Variants in RANBP17 observed in about 807,000 individuals in gnomAD.
RANBP17 encodes the protein RAN binding protein 17.
RANBP17 carries 158 observed loss-of-function variants against 141.2 expected under a neutral mutation model. The observed-to-expected ratio is 1.12, with a 90% CI of 0.98 to 1.28. The LOEUF (loss-of-function observed/expected upper bound fraction) is 1.28, where lower values mean the gene tolerates loss of function less well. Among genes scored for constraint, RANBP17 ranks in the 50% most tolerant of loss-of-function variants. RANBP17 has a pLI of 0.00. For missense variants in RANBP17, 1,438 were observed against 1,290.7 expected (o/e 1.11, Z -1.75); for synonymous variants, 430 against 450.0 (o/e 0.96, Z 0.56).
chr5:171,294,737 T>G (rs1233384622), intron 26 of RANBP17, among the ~76,000 whole-genome samples: 1 of 152,212 alleles, frequency 6.6e-6, no homozygotes, highest in Non-Finnish European at 1.5e-5. Flanking sequence ...AGCACTGTCA[T>G]TCATCTTCCC....
chr5:170,995,591 C>T (rs1015838738), intron 14 of RANBP17, among the ~76,000 whole-genome samples: 17 of 151,928 alleles, frequency 1.1e-4, no homozygotes, highest in African/African-American at 2.9e-4. Context: ...TTGATAGAGT[C>T]GATGGTTGAT....
rs553016059 is a variant in RANBP17 at position 171,060,533 on chromosome 5, A to G, written c.1710+92156A>G. 3.3e-5 allele frequency among the ~76,000 whole-genome samples: 5 copies of G among 152,240 alleles called. No individual in the cohort carries two copies. The South Asian group carries it at 8.3e-4, about 25-fold the overall frequency. ...GAAGCCCACTTGATCATGGTGGATA[A>G]GCTTTTTGATGTGGTGCTGGATTCG... On this transcript the variant is annotated intron_variant, in intron 14 of 27. Transcript: ENST00000523189.
intron 12 of RANBP17, among the ~76,000 whole-genome samples, chr5:170,948,565 T>C (rs190514770): frequency 6.6e-6 from 1 of 152,260 alleles, no homozygotes; most frequent in Admixed American, 6.5e-5. Context: ...ATTAAAGATA[T>C]AAATAAACAG....
At chr5:170,864,499 C>T (rs1304571116) in intron 1 of RANBP17, among the ~76,000 whole-genome samples, 1 of 152,170 alleles carries the variant, frequency 6.6e-6, no homozygotes, top group Non-Finnish European at 1.5e-5. Context: ...TCATTCAAAG[C>T]AGTTGCATTC....
At chr5:171,248,516 C>T (rs1262550128) in intron 24 of RANBP17, among the ~76,000 whole-genome samples, 4 of 152,174 alleles carry the variant, frequency 2.6e-5, no homozygotes, top group Non-Finnish European at 5.9e-5. Flanking sequence ...AGGCAGTCCA[C>T]GTGCCTGCCA....
chr5:171,147,121 A>G lies in RANBP17; in HGVS notation c.1711-23009A>G, dbSNP rs560675989. Among the ~76,000 whole-genome samples, 153 of 152,190 alleles carry G rather than the reference A, an allele frequency of 1.0e-3. 1 individual carries two copies. Among genetic ancestry groups the G allele is most frequent in the African/African-American group, 3.5e-3 (146 of 41,528 alleles). ...AGAGGGGTGCCACTGTCATCTAGTG[A>G]TAGAATCCAGGTGCATTTTGCAGTG... On this transcript the variant is annotated intron_variant, in intron 14 of 27. Coordinates refer to ENST00000523189, the MANE Select transcript of RANBP17 (RefSeq NM_022897.5).
At chr5:171,287,295 A>AGC (rs1768224481) in intron 25 of RANBP17, among the ~76,000 whole-genome samples, 1 of 152,214 alleles carries the variant, frequency 6.6e-6, no homozygotes, top group Admixed American at 6.5e-5. Context: ...GTTCAAGACC[A>AGC]GCCTGGCCAA....
chr5:170,912,214 A>G (rs557073142), intron 7 of RANBP17, among the ~76,000 whole-genome samples: 28 of 151,934 alleles, frequency 1.8e-4, no homozygotes, highest in Non-Finnish European at 3.4e-4. Flanking sequence ...AATACATGTA[A>G]TAAAAAATTT....
chr5:171,251,337 C>T (rs1019331827), intron 24 of RANBP17, among the ~76,000 whole-genome samples: 1 of 151,990 alleles, frequency 6.6e-6, no homozygotes, highest in Non-Finnish European at 1.5e-5. Flanking sequence ...ACCTTGGCCT[C>T]CTAAAGTGCT....
chr5:171,123,217 A>C (rs1209824775), intron 14 of RANBP17, among the ~76,000 whole-genome samples: 1 of 152,164 alleles, frequency 6.6e-6, no homozygotes, highest in Admixed American at 6.5e-5. Flanking sequence ...TGCACCACCA[A>C]GGTACCTGAA....
At chr5:170,925,741 C>T (rs1772864863) in intron 12 of RANBP17, among the ~76,000 whole-genome samples, 1 of 151,874 alleles carries the variant, frequency 6.6e-6, no homozygotes, top group Non-Finnish European at 1.5e-5. Context: ...GTATGCATTC[C>T]GAAAATAATA....
intron 12 of RANBP17, among the ~76,000 whole-genome samples, chr5:170,937,686 A>G (rs1175517751): frequency 6.6e-6 from 1 of 152,124 alleles, no homozygotes; most frequent in East Asian, 1.9e-4. Context: ...TTTACAGGTG[A>G]CCCTGTAAGC....
At chr5:170,966,501 A>T (rs1483368265) in intron 13 of RANBP17, among the ~76,000 whole-genome samples, 3 of 152,174 alleles carry the variant, frequency 2.0e-5, no homozygotes, top group Admixed American at 6.5e-5. Context: ...CAACCCTTCA[A>T]GCTAAAAACT....
chr5:171,089,020 T>C (rs1462150899), intron 14 of RANBP17, among the ~76,000 whole-genome samples: 1 of 151,858 alleles, frequency 6.6e-6, no homozygotes, highest in Admixed American at 6.6e-5. Flanking sequence ...CTGCGTTCCT[T>C]TGGAGGAGGA....
chr5:170,968,959 T>C (rs1228913394), intron 14 of RANBP17, among the ~76,000 whole-genome samples: 2 of 151,876 alleles, frequency 1.3e-5, no homozygotes, highest in African/African-American at 4.8e-5. Flanking sequence ...AGATATTTAG[T>C]AGCATTAGAT....
chr5:170,894,440 G>A (rs547574504), intron 4 of RANBP17, among the ~76,000 whole-genome samples: 6 of 145,292 alleles, frequency 4.1e-5, no homozygotes, highest in African/African-American at 1.3e-4. Context: ...TAGCTTGAAA[G>A]TTTATTATAT....
intron 14 of RANBP17, among the ~76,000 whole-genome samples, chr5:171,044,359 C>T (rs898872108): frequency 1.3e-5 from 2 of 151,800 alleles, no homozygotes; most frequent in African/African-American, 4.8e-5. Flanking sequence ...ATATATATTT[C>T]AGCATATTAA....
intron 12 of RANBP17, among the ~76,000 whole-genome samples, chr5:170,943,124 A>G (rs1177365511): frequency 1.3e-5 from 2 of 152,162 alleles, no homozygotes; most frequent in Non-Finnish European, 2.9e-5. Context: ...TCTGCTCAAA[A>G]TGATCATTTT....
chr5:170,980,508 C>T (rs754557166), intron 14 of RANBP17, among the ~76,000 whole-genome samples: 3 of 152,170 alleles, frequency 2.0e-5, no homozygotes, highest in Non-Finnish European at 4.4e-5. Context: ...AGCCTAGGAA[C>T]TTGGTGCCCT....
Sources: gnomAD v4.1 joint callset for allele counts (sites outside exome capture counted in the v4.1 genomes callset) on GRCh38, gnomAD v4.1.1 for gene constraint, MANE v1.5 for transcripts, NCBI Gene and HGNC (gene_info 2026-07-23, HGNC 2026-07-21) for gene names.